SAMD3: variants seen among roughly 807,000 people sequenced by gnomAD.
SAMD3 encodes the protein sterile alpha motif domain containing 3.
Under a neutral mutation model 58.5 loss-of-function variants are expected in SAMD3, and 63 were observed. The observed-to-expected ratio is 1.08, with a 90% CI of 0.88 to 1.33. SAMD3 has a LOEUF of 1.33. Among genes scored for constraint, SAMD3 ranks in the 40% most tolerant of loss-of-function variants. The pLI is 0.00. For missense variants in SAMD3, 604 were observed against 608.4 expected, an observed-to-expected ratio of 0.99 and a Z score of 0.08; for synonymous variants, 220 against 210.3, an observed-to-expected ratio of 1.05 and a Z score of -0.40.
At chr6:130,145,865 G>A (rs543987412) in intron 10 of SAMD3, 145 bp downstream of exon 10, 5 of 265,904 alleles carry the variant, frequency 1.9e-5, no homozygotes, top group Non-Finnish European at 3.3e-5. Context: ...ATATATTTTA[G>A]TAATGTAAAT....
intron 4 of SAMD3, among the ~76,000 whole-genome samples, chr6:130,213,702 A>G (rs1795775033): frequency 6.6e-6 from 1 of 152,206 alleles, no homozygotes; most frequent in South Asian, 2.1e-4. Flanking sequence ...TTTTCATTGC[A>G]GAAGTCAGTG....
chr6:130,351,638 A>G (rs921431925), intron 1 of SAMD3, among the ~76,000 whole-genome samples: 1 of 152,086 alleles, frequency 6.6e-6, no homozygotes, highest in Admixed American at 6.6e-5. Flanking sequence ...GGGACTGTGA[A>G]CTAGTTCACC....
At chr6:130,167,462 AT>A (rs1790831379) in intron 8 of SAMD3, among the ~76,000 whole-genome samples, 3 of 152,220 alleles carry the variant, frequency 2.0e-5, no homozygotes, top group South Asian at 4.1e-4. Context: ...TGACAAAAAA[AT>A]ACTACTGTAT....
At chr6:130,273,491 T>C (rs1487483262) in intron 2 of SAMD3, among the ~76,000 whole-genome samples, 1 of 152,172 alleles carries the variant, frequency 6.6e-6, no homozygotes, top group Admixed American at 6.5e-5. Flanking sequence ...TCCATTTATA[T>C]TTAAAGTAAT....
At chr6:130,195,422 T>C (rs944746657) in intron 5 of SAMD3, among the ~76,000 whole-genome samples, 45 of 152,020 alleles carry the variant, frequency 3.0e-4, no homozygotes, top group Admixed American at 2.9e-3. Flanking sequence ...TCCTTACAAT[T>C]CCCCCATTTT....
At chr6:130,195,076 C>T (rs1471394159) in intron 5 of SAMD3, among the ~76,000 whole-genome samples, 3 of 152,090 alleles carry the variant, frequency 2.0e-5, no homozygotes, top group East Asian at 3.9e-4. Context: ...TTTAATTATC[C>T]CCACCTGCCC....
At chr6:130,257,540 T>TA (rs1336527518) in intron 2 of SAMD3, among the ~76,000 whole-genome samples, 1 of 152,204 alleles carries the variant, frequency 6.6e-6, no homozygotes, top group Non-Finnish European at 1.5e-5. Context: ...TTTAATTCCC[T>TA]ATCCCTCAAT....
intron 1 of SAMD3, among the ~76,000 whole-genome samples, chr6:130,319,995 C>CAA (rs1197636050): frequency 6.6e-6 from 1 of 151,918 alleles, no homozygotes; most frequent in Non-Finnish European, 1.5e-5. Context: ...AATAAACACA[C>CAA]ACACACATGC....
intron 7 of SAMD3, among the ~76,000 whole-genome samples, chr6:130,182,799 C>CA (rs931988850): frequency 6.6e-6 from 1 of 152,058 alleles, no homozygotes; most frequent in African/African-American, 2.4e-5. Flanking sequence ...GAAAGCACAG[C>CA]AAAAAATATC....
intron 8 of SAMD3, among the ~76,000 whole-genome samples, chr6:130,165,400 AAAAC>A (rs1024279012): frequency 1.3e-4 from 20 of 152,266 alleles, no homozygotes; most frequent in African/African-American, 3.4e-4. Flanking sequence ...AAAACCAACA[AAAAC>A]AAACAAACAA....
At position 130,274,592 on chromosome 6, in the gene SAMD3, G is replaced by A. The variant is rs1774705325; in HGVS notation, c.-188+38386C>T. On this transcript the variant is annotated intron_variant, in intron 2 of 13. Coordinates refer to the SAMD3 transcript ENST00000368134. Reference sequence around the variant, plus strand: ...ATATTTTGGGCCAAAGAGATTTTATGTTGAGCTCTGCTGGCTTGGAGGAGG... The same window carrying A: ...ATATTTTGGGCCAAAGAGATTTTATATTGAGCTCTGCTGGCTTGGAGGAGG... Among the ~76,000 whole-genome samples the A allele has an allele frequency of 2.0e-5, 3 of 152,194 alleles. No homozygotes were observed. The South Asian group carries it at 6.2e-4, about 32-fold the overall frequency.
intron 2 of SAMD3, among the ~76,000 whole-genome samples, chr6:130,234,905 G>A (rs1444303583): frequency 6.6e-6 from 1 of 152,206 alleles, no homozygotes; most frequent in African/African-American, 2.4e-5. Flanking sequence ...TTGAGCCCAG[G>A]AGTTCGAGAA....
At chr6:130,246,947 T>C (rs1403983648) in intron 2 of SAMD3, among the ~76,000 whole-genome samples, 1 of 152,160 alleles carries the variant, frequency 6.6e-6, no homozygotes. Context: ...ATTTTCAATA[T>C]ATATTACTTT....
At chr6:130,268,719 A>G (rs1451991022) in intron 2 of SAMD3, among the ~76,000 whole-genome samples, 3 of 152,188 alleles carry the variant, frequency 2.0e-5, no homozygotes, top group Non-Finnish European at 4.4e-5. Context: ...AGGCTATCCC[A>G]TATAGCCTAG....
intron 4 of SAMD3, among the ~76,000 whole-genome samples, chr6:130,213,167 G>A (rs1468444153): frequency 6.6e-6 from 1 of 151,920 alleles, no homozygotes; most frequent in Non-Finnish European, 1.5e-5. Context: ...TCATGGTGTT[G>A]AGTGCCTGTA....
rs925495352 is a variant in SAMD3 at position 130,145,403 on chromosome 6, T to C, written c.1215A>G (p.Thr405=). ...CAAAAACATCTGGGAGGAGTAAACATGTGGCTGTCATCTTCATGTCTGTCA... is the reference window on the plus strand; with the variant it reads ...CAAAAACATCTGGGAGGAGTAAACACGTGGCTGTCATCTTCATGTCTGTCA... ...DMLKYMKMTA[T]CLLLPDVFGD... is the part of the protein sequence containing the mutation. The change falls in exon 11 of 12, where the codon ACA becomes ACG. Residue 405 remains threonine, a synonymous_variant. Transcript: ENST00000439090. The C allele has an allele frequency of 3.7e-6, 6 of 1,610,210 alleles. No individual in the cohort carries two copies. Among genetic ancestry groups the C allele is most frequent in the Middle Eastern group, 1.7e-4 (1 of 6,056 alleles).
Position 130,159,218 on chromosome 6 carries a change from A to G in SAMD3, c.823-4193T>C, listed in dbSNP as rs114305863. Among the ~76,000 whole-genome samples the G allele has an allele frequency of 1.9e-3, 293 of 152,260 alleles. 2 individuals are homozygous for G. The highest frequency in any genetic ancestry group is 6.9e-3 in the African/African-American group (287 of 41,536). ...TAGTGAATGGGTCTCACAAGATCCA[A>G]TGGTTTTAAAAACGGGAGTTTCTCT... On this transcript the variant is annotated intron_variant, in intron 8 of 11. Transcript: ENST00000439090.
chr6:130,282,679 A>G (rs1361493683), intron 2 of SAMD3, among the ~76,000 whole-genome samples: 3 of 152,154 alleles, frequency 2.0e-5, no homozygotes, highest in Admixed American at 2.0e-4. Flanking sequence ...TGGTACAGAG[A>G]AGACAAGGAC....
intron 2 of SAMD3, among the ~76,000 whole-genome samples, chr6:130,289,798 C>T (rs1775301751): frequency 1.3e-5 from 2 of 152,180 alleles, no homozygotes; most frequent in African/African-American, 4.8e-5. Flanking sequence ...CCGTGCCCAG[C>T]CCAAGAAAAG....
Sources: gnomAD v4.1 joint callset for allele counts (sites outside exome capture counted in the v4.1 genomes callset) on GRCh38, gnomAD v4.1.1 for gene constraint, MANE v1.5 for transcripts, NCBI Gene and HGNC (gene_info 2026-07-23, HGNC 2026-07-21) for gene names.